GET1: variants seen among roughly 807,000 people sequenced by gnomAD.
GET1 encodes guided entry of tail-anchored proteins factor 1.
In GET1, 20 loss-of-function variants were observed where a neutral mutation model predicts 22.6. The observed-to-expected ratio is 0.89, with a 90% CI of 0.62 to 1.29. The LOEUF is 1.29. Ranked by LOEUF, GET1 falls within the 50% of genes most tolerant of loss-of-function variation. The pLI is 0.00. For synonymous variants in GET1, 92 were observed against 83.8 expected, an observed-to-expected ratio of 1.10 and a Z score of -0.53; for missense variants, 209 against 219.9, an observed-to-expected ratio of 0.95 and a Z score of 0.31.
intron 1 of GET1, among the ~76,000 whole-genome samples, chr21:39,419,529 AAAAAAAG>A (rs1200745871): frequency 6.1e-5 from 9 of 147,386 alleles, no homozygotes; most frequent in South Asian, 2.1e-4. Context: ...TGTTCAAAAA[AAAAAAAG>A]AAAAAAGAAA....
At position 39,384,559 on chromosome 21, in the gene GET1, C is replaced by T. The variant is rs563453612; in HGVS notation, c.102+4073C>T. ...ACAGCTGTGAGCCACCACACCTGGC[C>T]GACAATTTTTTTTTTTTTTTTTAAC... On this transcript the variant is annotated intron_variant, in intron 1 of 4. Coordinates refer to ENST00000649170, the MANE Select transcript of GET1 (RefSeq NM_004627.6). Among the ~76,000 whole-genome samples, 8 of 123,430 alleles carry T rather than the reference C, an allele frequency of 6.5e-5. No individual in the cohort carries two copies. The South Asian group carries it at 2.1e-3, about 33-fold the overall frequency. The allele number at this position is 123,430 out of a possible 152,430, so 81.0% of individuals were successfully genotyped here.
chr21:39,405,919 G>A lies in GET1; in HGVS notation c.355G>A (p.Asp119Asn), dbSNP rs201718230. 1.7e-5 allele frequency: 28 copies of A among 1,604,482 alleles called. No individual in the cohort carries two copies. Among genetic ancestry groups the A allele is most frequent in the East Asian group, 8.9e-5 (4 of 44,806 alleles). ...TTTTCTTTTTCCTTCTGTAGGTGAC[G>A]ATGGCTTAATAGAATTTACCACAGT... The change falls in exon 5 of 5, where the codon GAT (aspartate) becomes AAT (asparagine). Residue 119 changes from aspartate (D) to asparagine (N), a missense_variant. By Grantham distance (23) the Asp-to-Asn change is conservative. Coordinates refer to the GET1 transcript ENST00000415847.
intron 4 of GET1, among the ~76,000 whole-genome samples, chr21:39,403,349 C>G (rs763444753): frequency 2.6e-5 from 4 of 152,154 alleles, no homozygotes; most frequent in Non-Finnish European, 4.4e-5. Flanking sequence ...TAGTTTGACA[C>G]GGAGTCTCGC....
intron 1 of GET1, among the ~76,000 whole-genome samples, chr21:39,385,284 C>T (rs760429491): frequency 9.9e-5 from 15 of 152,108 alleles, no homozygotes; most frequent in Admixed American, 4.6e-4. Context: ...CAGTCTAGGC[C>T]GCACTGGTCC....
intron 4 of GET1, 91 bp downstream of exon 4, chr21:39,393,371 T>C (rs2146983148): frequency 9.9e-7 from 1 of 1,014,122 alleles, no homozygotes; most frequent in East Asian, 2.6e-5. Context: ...GACATCCTCC[T>C]CACCGTCCAT....
At chr21:39,415,953 T>C (rs1316472931) in intron 1 of GET1, among the ~76,000 whole-genome samples, 2 of 152,166 alleles carry the variant, frequency 1.3e-5, no homozygotes, top group African/African-American at 4.8e-5. Context: ...GAGTAGGTGG[T>C]GGTGTGTACC....
chr21:39,427,291 G>C (rs2074889840), intron 1 of GET1, among the ~76,000 whole-genome samples: 1 of 152,200 alleles, frequency 6.6e-6, no homozygotes, highest in South Asian at 2.1e-4. Flanking sequence ...GGCAGGGAAG[G>C]AGGAAGAAAG....
chr21:39,411,487 C>T (rs1324927474), downstream of GET1, among the ~76,000 whole-genome samples: 1 of 152,154 alleles, frequency 6.6e-6, no homozygotes, highest in Non-Finnish European at 1.5e-5. Flanking sequence ...TTTGCTCCAC[C>T]TGAAGAAAGG....
downstream of GET1, among the ~76,000 whole-genome samples, chr21:39,400,809 A>G (rs1051459420): frequency 9.9e-5 from 15 of 152,202 alleles, no homozygotes; most frequent in Non-Finnish European, 2.1e-4. Context: ...TCAATCATAA[A>G]TAGCATGAAT....
chr21:39,427,734 G>C (rs2075017994), intron 1 of GET1: 1 of 151,666 alleles, frequency 6.6e-6, no homozygotes, highest in African/African-American at 2.4e-5. Context: ...TGTTTCAAAA[G>C]ATGGTGTTTG....
intron 1 of GET1, among the ~76,000 whole-genome samples, chr21:39,383,220 C>T (rs1297797276): frequency 6.6e-6 from 1 of 151,364 alleles, no homozygotes; most frequent in Non-Finnish European, 1.5e-5. Flanking sequence ...TCCCAAAGTG[C>T]TGGGATTACA....
intron 1 of GET1, among the ~76,000 whole-genome samples, chr21:39,418,856 G>A (rs912047894): frequency 6.6e-6 from 1 of 152,072 alleles, no homozygotes; most frequent in Non-Finnish European, 1.5e-5. Flanking sequence ...GCATGAGGAA[G>A]CATAAAATTT....
chr21:39,391,993 C>A, intron 3 of GET1, 157 bp downstream of exon 3: 1 of 636,962 alleles, frequency 1.6e-6, no homozygotes, highest in Non-Finnish European at 2.7e-6. Context: ...CTCTCGGTCT[C>A]TAAGTCAGAC....
chr21:39,396,336 C>T (rs1008325364), intron 4 of GET1, among the ~76,000 whole-genome samples: 7 of 151,422 alleles, frequency 4.6e-5, no homozygotes, highest in Non-Finnish European at 7.4e-5. Flanking sequence ...TTCAGGAGAT[C>T]GAGACCACGG....
chr21:39,397,131 G>T lies in GET1; in HGVS notation c.*192G>T. ...CACGATTTTCTACACCTGTCATTGA[G>T]CCAAGAAAGTCCAGTTTATGACACG... On this transcript the variant is annotated 3_prime_UTR_variant, in exon 5 of 5. Coordinates refer to ENST00000649170, the MANE Select transcript of GET1 (RefSeq NM_004627.6). 1.6e-6 allele frequency: 1 copy of T among 622,056 alleles called. No individual in the cohort carries two copies. Among genetic ancestry groups the T allele is most frequent in the Non-Finnish European group, 2.8e-6 (1 of 360,600 alleles). The allele number at this position is 622,056 out of a possible 1,614,324, so 38.5% of individuals were successfully genotyped here.
At chr21:39,419,951 T>G (rs2042005895) in intron 1 of GET1, among the ~76,000 whole-genome samples, 1 of 152,214 alleles carries the variant, frequency 6.6e-6, no homozygotes, top group Non-Finnish European at 1.5e-5. Flanking sequence ...AACACATTTT[T>G]AAGTAAAACT....
rs183005486 is a variant in GET1, at chr21:39,404,113, T to G, written c.350-1801T>G. On this transcript the variant is annotated intron_variant, in intron 4 of 4. Transcript: ENST00000415847. ...AAACATCATTGGAAAGGAAATAGTA[T>G]GGTCTAGATTATAAACAAGTTGCCC... Among the ~76,000 whole-genome samples the G allele has an allele frequency of 3.3e-5, 5 of 152,342 alleles. 1 individual carries two copies. The highest frequency in any genetic ancestry group is 3.3e-4 in the Admixed American group (5 of 15,308).
downstream of GET1, among the ~76,000 whole-genome samples, chr21:39,400,825 G>A (rs529471992): frequency 2.8e-4 from 42 of 152,058 alleles, no homozygotes; most frequent in Non-Finnish European, 5.9e-4. Flanking sequence ...TGAATATTGT[G>A]TAGTTTTAGC....
chr21:39,395,099 T>G (rs1407757359), intron 4 of GET1, among the ~76,000 whole-genome samples: 1 of 152,184 alleles, frequency 6.6e-6, no homozygotes, highest in Non-Finnish European at 1.5e-5. Context: ...GGTCCCAAAC[T>G]CCTGGCATCA....
Sources: gnomAD v4.1 joint callset for allele counts (sites outside exome capture counted in the v4.1 genomes callset) on GRCh38, gnomAD v4.1.1 for gene constraint, MANE v1.5 for transcripts, NCBI Gene and HGNC (gene_info 2026-07-23, HGNC 2026-07-21) for gene names.